The following PDE6D variants were observed in gnomAD, a reference collection of about 807,000 sequenced individuals.
The protein encoded by PDE6D is retinal rod rhodopsin-sensitive cGMP 3',5'-cyclic phosphodiesterase subunit delta.
In PDE6D, 10 loss-of-function variants were observed where a neutral mutation model predicts 21.9. The observed-to-expected ratio is 0.46, with a 90% CI of 0.28 to 0.78. PDE6D has a LOEUF of 0.78. Among genes scored for constraint, PDE6D ranks in the 30% least tolerant of loss-of-function variants. The pLI is 0.12. For synonymous variants in PDE6D, 59 were observed against 63.5 expected (o/e 0.93, Z 0.34); for missense variants, 139 against 184.8 (o/e 0.75, Z 1.44).
intron 3 of PDE6D, 114 bp from the exon 4 acceptor site, chr2:231,737,406 G>GCTATCAGCAAC: frequency 1.7e-6 from 1 of 595,058 alleles, no homozygotes; most frequent in Non-Finnish European, 3.0e-6. Flanking sequence ...ACCAAAGGAA[G>GCTATCAGCAAC]CTATCAGCAA....
intron 1 of PDE6D, among the ~76,000 whole-genome samples, chr2:231,746,432 A>G (rs838443): frequency 0.35 from 52,763 of 152,022 alleles, 9,571 homozygotes; most frequent in African/African-American, 0.44. Flanking sequence ...CATGAGCCAC[A>G]GTGCCTGGCC....
intron 1 of PDE6D, among the ~76,000 whole-genome samples, chr2:231,747,995 A>C (rs62197243): frequency 0.17 from 26,477 of 152,200 alleles, 2,738 homozygotes; most frequent in Non-Finnish European, 0.23. Context: ...TGTAAGTCCA[A>C]TTAAAGCTTT....
At chr2:231,756,485 G>C (rs138885177) in intron 1 of PDE6D, among the ~76,000 whole-genome samples, 83 of 152,210 alleles carry the variant, frequency 5.5e-4, no homozygotes, top group Middle Eastern at 3.4e-3. Flanking sequence ...CGCCTAGGCT[G>C]GAGTGCAATG....
Position 231,732,858 on chromosome 2 carries a change from T to C in PDE6D, c.*94A>G, listed in dbSNP as rs531513685. 9.9e-6 allele frequency: 8 copies of C among 806,492 alleles called. No individual in the cohort carries two copies. The East Asian group carries it at 2.0e-4, about 20-fold the overall frequency. The allele number at this position is 806,492 out of a possible 1,614,324, so 50.0% of individuals were successfully genotyped here. A position where few individuals can be genotyped will look rare whatever the true frequency, so the allele number is the denominator to read the frequency against. On this transcript the variant is annotated 3_prime_UTR_variant, in exon 5 of 5. Coordinates refer to ENST00000287600, the MANE Select transcript of PDE6D (RefSeq NM_002601.4). Reference sequence around the variant, plus strand: ...TGCTGTTGAGGGAATTAGGGGTGTATGTGTCAAAAATCAAACGTGTGGAGG... The same window carrying C: ...TGCTGTTGAGGGAATTAGGGGTGTACGTGTCAAAAATCAAACGTGTGGAGG...
In PDE6D at chr2:231,740,975, C is replaced by T. The variant is rs764972432; in HGVS notation, c.51-1787G>A. On this transcript the variant is annotated intron_variant, in intron 1 of 4. Transcript: ENST00000287600. ...CCAACATGGAGAAACCCCATCTCTA[C>T]CGAAAACACAAAATTAGCCAGACGT... Among the ~76,000 whole-genome samples, 25 of 151,214 alleles carry T rather than the reference C, an allele frequency of 1.7e-4. 1 individual carries two copies. Among genetic ancestry groups the T allele is most frequent in the African/African-American group, 5.8e-4 (24 of 41,212 alleles).
At chr2:231,743,970 C>T (rs562006292) in intron 1 of PDE6D, among the ~76,000 whole-genome samples, 65 of 152,336 alleles carry the variant, frequency 4.3e-4, no homozygotes, top group Middle Eastern at 3.4e-3. Context: ...CTTCTCTGAA[C>T]AAGCTTTTCA....
rs2048693507 is a variant in PDE6D, at chr2:231,735,643, T to C, written c.371+1544A>G. On this transcript the variant is annotated intron_variant, in intron 4 of 4. Coordinates refer to ENST00000287600, the MANE Select transcript of PDE6D (RefSeq NM_002601.4). The stretch of plus-strand genomic sequence containing the variant: ...CCAAGCTAGTCTCAAACTCTTGGAC[T>C]CAAGCAATCCTCCCGCCTCAGCTTC... 2.0e-5 allele frequency among the ~76,000 whole-genome samples: 3 copies of C among 152,036 alleles called. No individual in the cohort carries two copies. The South Asian group carries it at 6.3e-4, about 32-fold the overall frequency.
At chr2:231,750,481 C>CATTTTTTTTTTTTTTTTTTTTT (rs1553557786) in intron 1 of PDE6D, among the ~76,000 whole-genome samples, 1 of 133,562 alleles carries the variant, frequency 7.5e-6, no homozygotes, top group Non-Finnish European at 1.6e-5. Flanking sequence ...ATCCATATCA[C>CATTTTTTTTTTTTTTTTTTTTT]TTTTTTTTTT....
At chr2:231,761,322 C>T (rs997932676) in intron 1 of PDE6D, among the ~76,000 whole-genome samples, 1 of 152,122 alleles carries the variant, frequency 6.6e-6, no homozygotes. Context: ...CTACAAGGTG[C>T]CTGCCACCAC....
At chr2:231,780,742 C>T (rs2106293359) in intron 1 of PDE6D, among the ~76,000 whole-genome samples, 1 of 152,250 alleles carries the variant, frequency 6.6e-6, no homozygotes, top group South Asian at 2.1e-4. Context: ...TGGGTCCCGG[C>T]CGGGGATCGG....
intron 1 of PDE6D, among the ~76,000 whole-genome samples, chr2:231,766,691 C>T (rs1173966080): frequency 6.6e-6 from 1 of 152,100 alleles, no homozygotes; most frequent in Non-Finnish European, 1.5e-5. Context: ...CAAATTATAA[C>T]TCTTAAAAAA....
At chr2:231,759,561 A>T (rs2106277687) in intron 1 of PDE6D, among the ~76,000 whole-genome samples, 2 of 152,274 alleles carry the variant, frequency 1.3e-5, no homozygotes, top group South Asian at 4.1e-4. Flanking sequence ...CCTTGGCTAC[A>T]GTGCTGGAAA....
intron 1 of PDE6D, among the ~76,000 whole-genome samples, chr2:231,759,854 T>C (rs2048912224): frequency 6.6e-6 from 1 of 152,150 alleles, no homozygotes; most frequent in African/African-American, 2.4e-5. Context: ...TTCTTGGCAA[T>C]ATCCTTCTGG....
chr2:231,736,300 C>T (rs2048701997), intron 4 of PDE6D, among the ~76,000 whole-genome samples: 1 of 151,838 alleles, frequency 6.6e-6, no homozygotes, highest in African/African-American at 2.4e-5. Flanking sequence ...CAATATTACA[C>T]AATTATCTGT....
intron 1 of PDE6D, among the ~76,000 whole-genome samples, chr2:231,762,333 C>T (rs1574630269): frequency 7.2e-6 from 1 of 138,128 alleles, no homozygotes; most frequent in African/African-American, 2.7e-5. Flanking sequence ...GATTCAAGGA[C>T]TAACGCTTTT....
intron 1 of PDE6D, among the ~76,000 whole-genome samples, chr2:231,754,515 C>T (rs1377523685): frequency 6.6e-6 from 1 of 150,586 alleles, no homozygotes; most frequent in Non-Finnish European, 1.5e-5. Context: ...CACCACCATG[C>T]CTGGCTAATT....
chr2:231,743,070 T>G (rs1190362871), intron 1 of PDE6D, among the ~76,000 whole-genome samples: 1 of 152,158 alleles, frequency 6.6e-6, no homozygotes, highest in African/African-American at 2.4e-5. Flanking sequence ...GGAATCATCA[T>G]GTGTGTAATA....
At chr2:231,734,890 A>G (rs2048685741) in intron 4 of PDE6D, among the ~76,000 whole-genome samples, 1 of 149,978 alleles carries the variant, frequency 6.7e-6, no homozygotes, top group Admixed American at 6.6e-5. Flanking sequence ...CAGGTAAATA[A>G]GGTACTCAGA....
intron 1 of PDE6D, among the ~76,000 whole-genome samples, chr2:231,770,090 A>C (rs1215176805): frequency 2.6e-5 from 4 of 152,230 alleles, no homozygotes; most frequent in African/African-American, 9.6e-5. Flanking sequence ...TAACGAGATT[A>C]TCTGAATTGC....
Sources: gnomAD v4.1 joint callset for allele counts (sites outside exome capture counted in the v4.1 genomes callset) on GRCh38, gnomAD v4.1.1 for gene constraint, MANE v1.5 for transcripts, NCBI Gene and HGNC (gene_info 2026-07-23, HGNC 2026-07-21) for gene names.